BORCS5: variants seen among roughly 807,000 people sequenced by gnomAD.
BORCS5 encodes BLOC-1 related complex subunit 5.
In BORCS5, 17 loss-of-function variants were observed where a neutral mutation model predicts 22.1. The ratio of observed to expected loss-of-function variants is 0.77; its 90% CI spans 0.53 to 1.15. The LOEUF (loss-of-function observed/expected upper bound fraction) is 1.15, where lower values mean the gene tolerates loss of function less well. Among genes scored for constraint, BORCS5 ranks in the 50% most tolerant of loss-of-function variants. The pLI, the probability that BORCS5 is intolerant of heterozygous loss-of-function variation, is 0.00. For synonymous variants in BORCS5, 117 were observed against 99.8 expected (o/e 1.17, Z -1.03); for missense variants, 247 against 253.2 (o/e 0.98, Z 0.17).
At chr12:12,388,628 A>C (rs1863932730) in intron 2 of BORCS5, among the ~76,000 whole-genome samples, 1 of 150,028 alleles carries the variant, frequency 6.7e-6, no homozygotes, top group Non-Finnish European at 1.5e-5. Flanking sequence ...GGCATGAATA[A>C]TTAATGAAAG....
At position 12,378,952 on chromosome 12, in the gene BORCS5, C is replaced by T. The variant is rs893321653; in HGVS notation, c.202+17603C>T. ...AATTTTTTTTGTAGAAATAGGGTTC[C>T]GTATGTTGCCCAGGCTGGTCTTGAA... On this transcript the variant is annotated intron_variant, in intron 2 of 3. Transcript: ENST00000314565. 1.1e-4 allele frequency among the ~76,000 whole-genome samples: 17 copies of T among 150,600 alleles called. 1 individual carries two copies. Among genetic ancestry groups the T allele is most frequent in the African/African-American group, 3.7e-4 (15 of 41,036 alleles).
intron 2 of BORCS5, among the ~76,000 whole-genome samples, chr12:12,395,871 G>A (rs2136065785): frequency 6.6e-6 from 1 of 152,150 alleles, no homozygotes; most frequent in East Asian, 1.9e-4. Flanking sequence ...GCATTTTCAA[G>A]GAAGAAATGA....
intron 2 of BORCS5, among the ~76,000 whole-genome samples, chr12:12,378,331 C>G (rs1015004659): frequency 1.3e-5 from 2 of 152,168 alleles, no homozygotes; most frequent in Non-Finnish European, 2.9e-5. Flanking sequence ...AAGATCGTGC[C>G]ACTGAACTGC....
rs75946254 is a variant in BORCS5 at position 12,425,672 on chromosome 12, A to G, written c.203-9956A>G. 1.5e-4 allele frequency among the ~76,000 whole-genome samples: 23 copies of G among 152,236 alleles called. No homozygotes were observed. The South Asian group carries it at 3.1e-3, about 21-fold the overall frequency. The stretch of plus-strand genomic sequence containing the variant: ...AATGCCTATTTAAATCCTTTGCCCA[A>G]TTGTGTGGTTTGTTGTTTTATCTTT... On this transcript the variant is annotated intron_variant, in intron 2 of 3. Transcript: ENST00000314565.
chr12:12,460,319 G>C (rs941287633), intron 3 of BORCS5, among the ~76,000 whole-genome samples: 1 of 152,132 alleles, frequency 6.6e-6, no homozygotes, highest in Non-Finnish European at 1.5e-5. Context: ...TCATTGTTAT[G>C]TAGAAATACA....
chr12:12,399,916 A>G (rs1592087322), intron 2 of BORCS5, among the ~76,000 whole-genome samples: 1 of 152,242 alleles, frequency 6.6e-6, no homozygotes, highest in African/African-American at 2.4e-5. Context: ...ACTTTCTGAA[A>G]ATAACACAGT....
At chr12:12,384,097 C>T (rs1296585982) in intron 2 of BORCS5, among the ~76,000 whole-genome samples, 1 of 150,944 alleles carries the variant, frequency 6.6e-6, no homozygotes, top group African/African-American at 2.4e-5. Flanking sequence ...CTTTTCAACT[C>T]CAAGATTTCT....
At chr12:12,438,605 C>T (rs1190113564) in intron 3 of BORCS5, among the ~76,000 whole-genome samples, 1 of 151,970 alleles carries the variant, frequency 6.6e-6, no homozygotes, top group Non-Finnish European at 1.5e-5. Flanking sequence ...GTTTTTTCCT[C>T]CAATATATAT....
Position 12,368,867 on chromosome 12 carries a change from A to G in BORCS5, c.202+7518A>G, listed in dbSNP as rs541792277. ...TATTTATTCATTTTATTTATTCAAC[A>G]AACACTGGATCTTCTTAGGCAAGTA... On this transcript the variant is annotated intron_variant, in intron 2 of 3. Transcript: ENST00000314565. Among the ~76,000 whole-genome samples the G allele has an allele frequency of 7.4e-4, 112 of 152,192 alleles. 1 individual carries two copies. Among genetic ancestry groups the G allele is most frequent in the African/African-American group, 2.7e-3 (112 of 41,556 alleles).
At chr12:12,430,125 A>G (rs1338682909) in intron 2 of BORCS5, among the ~76,000 whole-genome samples, 41 of 147,480 alleles carry the variant, frequency 2.8e-4, no homozygotes, top group Admixed American at 2.8e-3. Flanking sequence ...ACCATTTGTT[A>G]TACCACTTTA....
intron 3 of BORCS5, chr12:12,452,367 C>T: frequency 1.6e-6 from 1 of 641,244 alleles, no homozygotes; most frequent in East Asian, 4.0e-5. Flanking sequence ...AAAATCAAAT[C>T]CAGTTCACAA....
At chr12:12,449,553 G>A (rs1942864421) in intron 3 of BORCS5, among the ~76,000 whole-genome samples, 1 of 152,158 alleles carries the variant, frequency 6.6e-6, no homozygotes, top group Non-Finnish European at 1.5e-5. Context: ...AGGCATCGGG[G>A]AAACTGGGCA....
rs1000448443 is a variant in BORCS5, at chr12:12,357,190, G to A, written c.-262G>A. 32 of 1,515,678 alleles carry A rather than the reference G, an allele frequency of 2.1e-5. No homozygotes were observed. The African/African-American group carries it at 3.6e-4, about 17-fold the overall frequency. 93.9% of individuals were successfully genotyped at this position (1,515,678 alleles called of 1,614,324 possible). On this transcript the variant is annotated 5_prime_UTR_variant, in exon 1 of 4. Coordinates refer to ENST00000314565, the MANE Select transcript of BORCS5 (RefSeq NM_058169.6). Reference sequence around the variant, plus strand: ...AGTGTCATCTGCCGGTTCTCTTAGGGCTCCCGGAAAGAAGGAGGGCTAGCC... The same window carrying A: ...AGTGTCATCTGCCGGTTCTCTTAGGACTCCCGGAAAGAAGGAGGGCTAGCC...
At chr12:12,382,538 T>A (rs1348836013) in intron 2 of BORCS5, among the ~76,000 whole-genome samples, 6 of 149,186 alleles carry the variant, frequency 4.0e-5, no homozygotes, top group African/African-American at 1.2e-4. Flanking sequence ...ATATATCTTT[T>A]TTTTTTTTTT....
chr12:12,437,136 CAT>C (rs1302195208), intron 3 of BORCS5, among the ~76,000 whole-genome samples: 1 of 152,190 alleles, frequency 6.6e-6, no homozygotes, highest in Non-Finnish European at 1.5e-5. Context: ...ATAATTCCCA[CAT>C]GTCATGGGAG....
intron 2 of BORCS5, among the ~76,000 whole-genome samples, chr12:12,421,964 A>G (rs1942135860): frequency 1.3e-5 from 2 of 152,120 alleles, no homozygotes; most frequent in African/African-American, 4.8e-5. Context: ...TAGTCTTGCT[A>G]GTGGTTTATC....
intron 3 of BORCS5, among the ~76,000 whole-genome samples, chr12:12,461,178 T>C (rs1418703779): frequency 6.6e-6 from 1 of 151,184 alleles, no homozygotes; most frequent in Non-Finnish European, 1.5e-5. Context: ...TTTTTTTTTT[T>C]TCCCCCTGGG....
chr12:12,419,513 A>C (rs895776001), intron 2 of BORCS5, among the ~76,000 whole-genome samples: 2 of 152,202 alleles, frequency 1.3e-5, no homozygotes. Context: ...ATATGTGTGC[A>C]TGTGTCTTTA....
chr12:12,387,032 T>TA (rs1045491437), intron 2 of BORCS5, among the ~76,000 whole-genome samples: 23 of 151,106 alleles, frequency 1.5e-4, no homozygotes, highest in Admixed American at 4.0e-4. Flanking sequence ...CCCAGCTAAT[T>TA]AAAAAAAATA....
Sources: gnomAD v4.1 joint callset for allele counts (sites outside exome capture counted in the v4.1 genomes callset) on GRCh38, gnomAD v4.1.1 for gene constraint, MANE v1.5 for transcripts, NCBI Gene and HGNC (gene_info 2026-07-23, HGNC 2026-07-21) for gene names.